The following PRKCE variants were observed in gnomAD, a reference collection of about 807,000 sequenced individuals.
The protein encoded by PRKCE is protein kinase C epsilon type.
PRKCE carries 16 observed loss-of-function variants against 85.4 expected under a neutral mutation model. The ratio of observed to expected loss-of-function variants is 0.19; its 90% CI spans 0.13 to 0.28. The LOEUF (loss-of-function observed/expected upper bound fraction) is 0.28, where lower values mean the gene tolerates loss of function less well. Among genes scored for constraint, PRKCE ranks in the 10% least tolerant of loss-of-function variants. The pLI is 1.00. For missense variants in PRKCE, 573 were observed against 975.2 expected (o/e 0.59, Z 5.49); for synonymous variants, 388 against 371.5 (o/e 1.04, Z -0.51).
At chr2:46,036,921 G>A (rs1707900009) in intron 10 of PRKCE, among the ~76,000 whole-genome samples, 1 of 152,190 alleles carries the variant, frequency 6.6e-6, no homozygotes, top group East Asian at 1.9e-4. Context: ...ACCAGTGGAA[G>A]CCTGGCTGTC....
intron 2 of PRKCE, among the ~76,000 whole-genome samples, chr2:45,894,886 C>T (rs1000844689): frequency 6.6e-6 from 1 of 152,146 alleles, no homozygotes; most frequent in African/African-American, 2.4e-5. Flanking sequence ...CTGCGCCTGG[C>T]TAATTTTTGT....
intron 10 of PRKCE, among the ~76,000 whole-genome samples, chr2:46,037,015 C>T (rs957501393): frequency 2.6e-5 from 4 of 152,204 alleles, no homozygotes; most frequent in African/African-American, 4.8e-5. Context: ...GCTGCCAGGA[C>T]GGACCCTCCT....
intron 1 of PRKCE, among the ~76,000 whole-genome samples, chr2:45,842,499 G>A (rs912185578): frequency 1.3e-5 from 2 of 152,170 alleles, no homozygotes; most frequent in South Asian, 2.1e-4. Context: ...GGTTTCTCAA[G>A]ACAGGCTTGG....
At chr2:45,699,410 A>G (rs1678428258) in intron 1 of PRKCE, among the ~76,000 whole-genome samples, 1 of 152,134 alleles carries the variant, frequency 6.6e-6, no homozygotes, top group Non-Finnish European at 1.5e-5. Context: ...CGCTGACTTG[A>G]TCAGAGCTCA....
intron 10 of PRKCE, among the ~76,000 whole-genome samples, chr2:46,014,170 A>G (rs1348506359): frequency 6.6e-6 from 1 of 152,328 alleles, no homozygotes; most frequent in East Asian, 1.9e-4. Flanking sequence ...CAGAACAACA[A>G]ATTAAGCCAG....
At chr2:46,017,790 C>T (rs1297055795) in intron 10 of PRKCE, among the ~76,000 whole-genome samples, 1 of 152,148 alleles carries the variant, frequency 6.6e-6, no homozygotes, top group African/African-American at 2.4e-5. Flanking sequence ...ATGTGCATTT[C>T]CCTAGTGATT....
chr2:46,051,176 A>G (rs2105062918), intron 10 of PRKCE, among the ~76,000 whole-genome samples: 1 of 152,228 alleles, frequency 6.6e-6, no homozygotes, highest in Admixed American at 6.5e-5. Context: ...CCTCTTTCCC[A>G]CTGCAAGTCT....
chr2:46,094,318 A>G (rs915188181), intron 11 of PRKCE, among the ~76,000 whole-genome samples: 4 of 152,164 alleles, frequency 2.6e-5, no homozygotes, highest in Non-Finnish European at 5.9e-5. Flanking sequence ...AAGCACCTTT[A>G]GTAGATTTCT....
chr2:45,877,945 C>G (rs1694600605), intron 2 of PRKCE, among the ~76,000 whole-genome samples: 1 of 152,252 alleles, frequency 6.6e-6, no homozygotes, highest in Non-Finnish European at 1.5e-5. Flanking sequence ...CAATGAGATG[C>G]TGGACTCCTC....
intron 1 of PRKCE, among the ~76,000 whole-genome samples, chr2:45,782,878 C>T (rs1235578202): frequency 2.0e-5 from 3 of 152,164 alleles, no homozygotes; most frequent in African/African-American, 4.8e-5. Context: ...CCAGTTTTCT[C>T]GTGTCTGAAT....
chr2:45,752,574 A>G (rs538626149), intron 1 of PRKCE, among the ~76,000 whole-genome samples: 35 of 152,010 alleles, frequency 2.3e-4, no homozygotes, highest in Non-Finnish European at 4.7e-4. Context: ...TTCCTCATCT[A>G]TAAATCTGAG....
At chr2:45,717,358 T>A (rs368940378) in intron 1 of PRKCE, among the ~76,000 whole-genome samples, 2 of 152,346 alleles carry the variant, frequency 1.3e-5, no homozygotes, top group East Asian at 3.9e-4. Flanking sequence ...TCTTACCCCC[T>A]CTCTCTCAAT....
chr2:46,059,462 C>G (rs1666906042), intron 10 of PRKCE, among the ~76,000 whole-genome samples: 1 of 152,150 alleles, frequency 6.6e-6, no homozygotes, highest in African/African-American at 2.4e-5. Context: ...TTTAAGTAAC[C>G]AGCAGCAGTG....
At chr2:46,071,772 C>T (rs1289737076) in intron 10 of PRKCE, among the ~76,000 whole-genome samples, 2 of 152,208 alleles carry the variant, frequency 1.3e-5, no homozygotes, top group African/African-American at 4.8e-5. Context: ...CATTGTCAGC[C>T]ATCAGTCTAA....
At chr2:45,875,138 T>G (rs1033160777) in intron 2 of PRKCE, among the ~76,000 whole-genome samples, 4 of 152,106 alleles carry the variant, frequency 2.6e-5, no homozygotes, top group African/African-American at 9.7e-5. Context: ...TGGGCATGAG[T>G]GACCCCTTTT....
At chr2:46,081,831 C>T (rs1669107174) in intron 10 of PRKCE, among the ~76,000 whole-genome samples, 1 of 152,132 alleles carries the variant, frequency 6.6e-6, no homozygotes, top group Non-Finnish European at 1.5e-5. Context: ...CACGGTGGCT[C>T]ATGCTTGTAA....
chr2:45,853,305 G>C (rs1005279677), intron 2 of PRKCE, among the ~76,000 whole-genome samples: 2 of 152,208 alleles, frequency 1.3e-5, no homozygotes, highest in Non-Finnish European at 2.9e-5. Flanking sequence ...GACAACATCA[G>C]TGTTCTTCCA....
At chr2:45,661,022 G>T (rs912973766) in intron 1 of PRKCE, among the ~76,000 whole-genome samples, 6 of 152,092 alleles carry the variant, frequency 3.9e-5, no homozygotes, top group Non-Finnish European at 8.8e-5. Context: ...CTGAAATGAG[G>T]ATCTCCTCTC....
At chr2:45,838,242 G>A (rs572517312) in intron 1 of PRKCE, among the ~76,000 whole-genome samples, 111 of 152,302 alleles carry the variant, frequency 7.3e-4, no homozygotes, top group African/African-American at 1.2e-3. Flanking sequence ...ACTGCACCTC[G>A]GACTGGATTG....
Sources: gnomAD v4.1 joint callset for allele counts (sites outside exome capture counted in the v4.1 genomes callset) on GRCh38, gnomAD v4.1.1 for gene constraint, MANE v1.5 for transcripts, NCBI Gene and HGNC (gene_info 2026-07-23, HGNC 2026-07-21) for gene names.